Variants in ARL15 observed in about 807,000 individuals in gnomAD.
ARL15 encodes the protein ARF like GTPase 15, also known as ADP-ribosylation factor-like protein 15.
A neutral mutation model predicts 25.2 loss-of-function variants in ARL15; 19 were observed. That is an observed-to-expected ratio of 0.75 (90% CI 0.53 to 1.10). ARL15 has a LOEUF of 1.10. ARL15 is among the 50% of genes least tolerant of loss of function. The pLI, the probability that ARL15 is intolerant of heterozygous loss-of-function variation, is 0.00. For synonymous variants in ARL15, 94 were observed against 86.8 expected (o/e 1.08, Z -0.46); for missense variants, 220 against 246.0 (o/e 0.89, Z 0.71).
At chr5:53,890,151 G>C (rs914818881) in intron 4 of ARL15, among the ~76,000 whole-genome samples, 6 of 152,046 alleles carry the variant, frequency 3.9e-5, no homozygotes, top group Non-Finnish European at 8.8e-5. Context: ...ATATCAATCT[G>C]AAATTCAAAT....
intron 4 of ARL15, among the ~76,000 whole-genome samples, chr5:53,982,230 G>A (rs138441281): frequency 0.026 from 3,894 of 149,658 alleles, 198 homozygotes; most frequent in African/African-American, 0.09. Context: ...TACATGTGCA[G>A]AAGGTGCAGG....
intron 4 of ARL15, among the ~76,000 whole-genome samples, chr5:53,901,499 AAC>A (rs1268206899): frequency 6.6e-6 from 1 of 152,200 alleles, no homozygotes; most frequent in Non-Finnish European, 1.5e-5. Flanking sequence ...GCTTGTCTGA[AAC>A]ACAGGCTTGT....
chr5:53,988,021 T>A (rs867731243), intron 4 of ARL15, among the ~76,000 whole-genome samples: 1 of 152,002 alleles, frequency 6.6e-6, no homozygotes, highest in Non-Finnish European at 1.5e-5. Flanking sequence ...GAGAATGGCA[T>A]GAACCCGGGA....
chr5:54,071,966 C>G (rs1372508232), intron 4 of ARL15, among the ~76,000 whole-genome samples: 2 of 135,762 alleles, frequency 1.5e-5, no homozygotes, highest in Non-Finnish European at 3.1e-5. Flanking sequence ...AGCGAGACTC[C>G]GTCTCAAAAA....
At chr5:54,150,002 C>T (rs1334956738) in intron 3 of ARL15, among the ~76,000 whole-genome samples, 3 of 152,174 alleles carry the variant, frequency 2.0e-5, no homozygotes, top group Non-Finnish European at 2.9e-5. Flanking sequence ...TAGAAAACCC[C>T]TTCAGGTGTG....
chr5:54,276,839 A>G (rs963269667), intron 1 of ARL15, among the ~76,000 whole-genome samples: 5 of 152,226 alleles, frequency 3.3e-5, no homozygotes, highest in Non-Finnish European at 7.3e-5. Flanking sequence ...AGGGGCCATG[A>G]GCTGAGGAAT....
At chr5:54,200,359 A>G (rs1198199749) in intron 1 of ARL15, among the ~76,000 whole-genome samples, 1 of 151,202 alleles carries the variant, frequency 6.6e-6, no homozygotes, top group Non-Finnish European at 1.5e-5. Context: ...TAAATAAATA[A>G]ATAAAAAGAA....
intron 4 of ARL15, among the ~76,000 whole-genome samples, chr5:54,056,925 T>C (rs977977247): frequency 1.3e-5 from 2 of 152,166 alleles, no homozygotes; most frequent in African/African-American, 4.8e-5. Context: ...AAACTACTCA[T>C]GTAGTAGGTT....
intron 1 of ARL15, among the ~76,000 whole-genome samples, chr5:54,298,953 G>T (rs1409231950): frequency 6.6e-6 from 1 of 151,674 alleles, no homozygotes; most frequent in Non-Finnish European, 1.5e-5. Context: ...ACCCAGGCTG[G>T]AGTGCAGTGG....
chr5:54,167,543 T>G (rs1754610011), intron 2 of ARL15, among the ~76,000 whole-genome samples: 1 of 152,214 alleles, frequency 6.6e-6, no homozygotes, highest in African/African-American at 2.4e-5. Flanking sequence ...GTTGTTCTTC[T>G]TCTTTTAGAT....
At chr5:53,897,937 C>A (rs1744926912) in intron 4 of ARL15, among the ~76,000 whole-genome samples, 1 of 151,916 alleles carries the variant, frequency 6.6e-6, no homozygotes, top group Non-Finnish European at 1.5e-5. Flanking sequence ...GAAGCCTTGC[C>A]AATTAACATA....
At chr5:54,144,546 C>A (rs1017387463) in intron 3 of ARL15, among the ~76,000 whole-genome samples, 4 of 152,090 alleles carry the variant, frequency 2.6e-5, no homozygotes, top group African/African-American at 9.7e-5. Flanking sequence ...CACTCTATTA[C>A]CTCTAGGTCC....
intron 1 of ARL15, among the ~76,000 whole-genome samples, chr5:54,292,216 G>T (rs931928174): frequency 9.2e-5 from 14 of 152,130 alleles, no homozygotes; most frequent in African/African-American, 3.1e-4. Context: ...CAAGTGGCAG[G>T]AGCCCTCCCC....
intron 1 of ARL15, among the ~76,000 whole-genome samples, chr5:54,238,953 G>C (rs1018837715): frequency 6.6e-6 from 1 of 152,144 alleles, no homozygotes; most frequent in African/African-American, 2.4e-5. Flanking sequence ...AAAATACCAA[G>C]GTGCCACTTT....
intron 1 of ARL15, among the ~76,000 whole-genome samples, chr5:54,223,135 T>C (rs1325949498): frequency 6.6e-6 from 1 of 151,974 alleles, no homozygotes; most frequent in East Asian, 1.9e-4. Flanking sequence ...CATCATGTTA[T>C]TAAAAGGCAG....
intron 4 of ARL15, among the ~76,000 whole-genome samples, chr5:53,916,340 CA>C (rs1745645601): frequency 6.8e-6 from 1 of 147,054 alleles, no homozygotes; most frequent in Non-Finnish European, 1.5e-5. Flanking sequence ...CGATAGACAC[CA>C]GGGCTTACTT....
At chr5:53,942,733 G>A (rs1326158391) in intron 4 of ARL15, among the ~76,000 whole-genome samples, 2 of 152,084 alleles carry the variant, frequency 1.3e-5, no homozygotes, top group African/African-American at 2.4e-5. Context: ...GTGACAGAGC[G>A]AGACTCCATC....
chr5:53,973,848 T>C (rs1747835503), intron 4 of ARL15, among the ~76,000 whole-genome samples: 1 of 152,144 alleles, frequency 6.6e-6, no homozygotes, highest in Admixed American at 6.5e-5. Flanking sequence ...TAAGCTGAAA[T>C]GATACAGTCA....
intron 4 of ARL15, among the ~76,000 whole-genome samples, chr5:54,104,844 A>G (rs1397371219): frequency 6.6e-6 from 1 of 152,034 alleles, no homozygotes; most frequent in Non-Finnish European, 1.5e-5. Flanking sequence ...CAGAATCAAG[A>G]GGAAGTTTTG....
Sources: allele counts gnomAD v4.1 joint callset (sites outside exome capture counted in the v4.1 genomes callset), GRCh38; gene constraint gnomAD v4.1.1; transcripts MANE v1.5; gene names NCBI Gene and HGNC (gene_info 2026-07-23, HGNC 2026-07-21).